The following LRRC20 variants were observed in gnomAD, a reference collection of about 807,000 sequenced individuals.
The protein encoded by LRRC20 is leucine-rich repeat-containing protein 20.
LRRC20 carries 11 observed loss-of-function variants against 14.4 expected under a neutral mutation model. The ratio of observed to expected loss-of-function variants is 0.77; its 90% CI spans 0.48 to 1.27. The LOEUF is 1.27. LRRC20 is among the 50% of genes most tolerant of loss of function. The pLI, the probability that LRRC20 is intolerant of heterozygous loss-of-function variation, is 0.00. For missense variants in LRRC20, 219 were observed against 251.2 expected, an observed-to-expected ratio of 0.87 and a Z score of 0.87; for synonymous variants, 121 against 107.3, an observed-to-expected ratio of 1.13 and a Z score of -0.79.
At chr10:70,309,653 C>T (rs994299716) in intron 4 of LRRC20, among the ~76,000 whole-genome samples, 3 of 152,252 alleles carry the variant, frequency 2.0e-5, no homozygotes, top group African/African-American at 7.2e-5. Context: ...TCTCCCCATC[C>T]GCTACTGAAG....
chr10:70,319,202 A>G (rs1443634139), intron 4 of LRRC20, among the ~76,000 whole-genome samples: 2 of 151,578 alleles, frequency 1.3e-5, no homozygotes, highest in East Asian at 3.9e-4. Flanking sequence ...AAAGAAACAG[A>G]GAACTGAAGG....
intron 1 of LRRC20, 132 bp from the exon 2 acceptor site, chr10:70,376,728 C>A: frequency 1.7e-6 from 1 of 592,798 alleles, no homozygotes; most frequent in South Asian, 2.0e-5. Flanking sequence ...AGGCCACTCA[C>A]CTCCTCTTGC....
chr10:70,354,409 G>C (rs1219705976), intron 2 of LRRC20, among the ~76,000 whole-genome samples: 1 of 152,160 alleles, frequency 6.6e-6, no homozygotes, highest in Non-Finnish European at 1.5e-5. Flanking sequence ...ACACTAAGTA[G>C]CAAGGGCTAC....
intron 4 of LRRC20, among the ~76,000 whole-genome samples, chr10:70,316,429 G>A (rs1196541158): frequency 1.3e-5 from 2 of 152,192 alleles, no homozygotes; most frequent in Admixed American, 6.5e-5. Context: ...CACCGCGCCC[G>A]GCCCTTTTCT....
At chr10:70,337,432 A>G (rs1357077377) in intron 3 of LRRC20, among the ~76,000 whole-genome samples, 2 of 152,196 alleles carry the variant, frequency 1.3e-5, no homozygotes, top group African/African-American at 4.8e-5. Context: ...TTGTGATTTG[A>G]GGCAGCGTGA....
intron 4 of LRRC20, among the ~76,000 whole-genome samples, chr10:70,311,222 ATTTTTTTTTTTT>A (rs11314061): frequency 4.6e-5 from 4 of 86,348 alleles, no homozygotes; most frequent in African/African-American, 1.4e-4. Flanking sequence ...TCAACATTCC[ATTTTTTTTTTTT>A]TTTTTTTTTT....
intron 3 of LRRC20, among the ~76,000 whole-genome samples, chr10:70,331,006 G>C (rs190542394): frequency 1.3e-5 from 2 of 152,198 alleles, no homozygotes; most frequent in African/African-American, 4.8e-5. Context: ...CTGGAGGCAG[G>C]TCAGAAAAGC....
At position 70,302,533 on chromosome 10, in the gene LRRC20, G is replaced by A. The variant is rs188718726; in HGVS notation, c.401-1025C>T. 1.4e-3 allele frequency among the ~76,000 whole-genome samples: 217 copies of A among 152,178 alleles called. 3 individuals carry two copies. Among genetic ancestry groups the A allele is most frequent in the Admixed American group, 0.013 (203 of 15,268 alleles). ...TGAAAATATTTTGGAAATAGATAGC[G>A]GTGATGGTTGCGCAACATGGTGAAA... On this transcript the variant is annotated intron_variant, in intron 4 of 4. Coordinates refer to ENST00000446961, the MANE Select transcript of LRRC20 (RefSeq NM_001278212.2).
At chr10:70,362,926 C>T (rs1190184654) in intron 2 of LRRC20, among the ~76,000 whole-genome samples, 1 of 152,020 alleles carries the variant, frequency 6.6e-6, no homozygotes, top group Non-Finnish European at 1.5e-5. Context: ...GTGATTAGGT[C>T]GTGAGGGTGG....
At chr10:70,329,958 G>A (rs144181645) in intron 3 of LRRC20, among the ~76,000 whole-genome samples, 170 of 152,278 alleles carry the variant, frequency 1.1e-3, no homozygotes, top group Non-Finnish European at 2.2e-3. Flanking sequence ...ACTTACACAT[G>A]TCATATATTC....
intron 2 of LRRC20, among the ~76,000 whole-genome samples, chr10:70,342,746 T>C (rs1489791424): frequency 6.6e-6 from 1 of 152,142 alleles, no homozygotes; most frequent in East Asian, 1.9e-4. Flanking sequence ...ATCTAAAGCC[T>C]CTCTATGCTT....
At chr10:70,316,431 C>A (rs1339002195) in intron 4 of LRRC20, among the ~76,000 whole-genome samples, 2 of 152,234 alleles carry the variant, frequency 1.3e-5, no homozygotes, top group East Asian at 1.9e-4. Context: ...CCGCGCCCGG[C>A]CCTTTTCTTG....
intron 2 of LRRC20, among the ~76,000 whole-genome samples, chr10:70,375,804 C>A (rs1844488069): frequency 6.6e-6 from 1 of 152,198 alleles, no homozygotes; most frequent in South Asian, 2.1e-4. Context: ...ACTGTATCCC[C>A]TGCTGCCCCT....
chr10:70,359,670 G>T (rs1843649500), intron 2 of LRRC20, among the ~76,000 whole-genome samples: 1 of 152,126 alleles, frequency 6.6e-6, no homozygotes, highest in African/African-American at 2.4e-5. Flanking sequence ...CAAAGCTCTT[G>T]CCCTCTGGCC....
chr10:70,356,822 G>A (rs1331168691), intron 2 of LRRC20, among the ~76,000 whole-genome samples: 3 of 152,116 alleles, frequency 2.0e-5, no homozygotes, highest in Admixed American at 6.5e-5. Context: ...CTGCACTCCA[G>A]CCTGGGCAAC....
chr10:70,311,011 G>A (rs1841634060), intron 4 of LRRC20, among the ~76,000 whole-genome samples: 1 of 152,164 alleles, frequency 6.6e-6, no homozygotes, highest in African/African-American at 2.4e-5. Context: ...ATGTGTTTGT[G>A]TATGTGTGTA....
At chr10:70,302,780 G>A (rs189079587) in intron 4 of LRRC20, among the ~76,000 whole-genome samples, 2 of 150,386 alleles carry the variant, frequency 1.3e-5, no homozygotes, top group East Asian at 2.0e-4. Context: ...GCGCGATCTC[G>A]ACTCACTGCA....
chr10:70,324,042 AG>A lies in LRRC20; in HGVS notation c.233-13del, dbSNP rs759924344. ...CTCCAGGTGGAGCTCTGCCACGTGC[AG>A]GGAAGGAGAGAGAACAGGATGAGGA... is the stretch of plus-strand genomic sequence containing the variant. On this transcript the variant is annotated splice_polypyrimidine_tract_variant and intron_variant, in intron 3 of 4. Transcript: ENST00000446961. The A allele has an allele frequency of 4.3e-5, 70 of 1,613,084 alleles. No homozygotes were observed. In the African/African-American group the frequency reaches 7.7e-4, roughly 18 times the overall value.
At position 70,350,458 on chromosome 10, in the gene LRRC20, G is replaced by A. The variant is rs189722167; in HGVS notation, c.83-9756C>T. Among the ~76,000 whole-genome samples the A allele has an allele frequency of 5.5e-3, 833 of 152,278 alleles. 6 individuals carry two copies. The highest frequency in any genetic ancestry group is 8.5e-3 in the Admixed American group (130 of 15,288). On this transcript the variant is annotated intron_variant, in intron 2 of 4. Transcript: ENST00000446961. The stretch of plus-strand genomic sequence containing the variant: ...TGGGTCCTTTATTAAAGCTTATCTC[G>A]TTAATTCTAATGAATGCTTGATGAA...
Sources: gnomAD v4.1 joint callset for allele counts (sites outside exome capture counted in the v4.1 genomes callset) on GRCh38, gnomAD v4.1.1 for gene constraint, MANE v1.5 for transcripts, NCBI Gene and HGNC (gene_info 2026-07-23, HGNC 2026-07-21) for gene names.